CNOT6: variants seen among roughly 807,000 people sequenced by gnomAD.
CNOT6 encodes carbon catabolite repression 4 protein.
CNOT6 carries 12 observed loss-of-function variants against 61.2 expected under a neutral mutation model. That is an observed-to-expected ratio of 0.20 (90% CI 0.13 to 0.32). CNOT6 has a LOEUF of 0.32. CNOT6 is among the 10% of genes least tolerant of loss of function. The pLI is 1.00. For missense variants in CNOT6, 405 were observed against 663.9 expected, an observed-to-expected ratio of 0.61 and a Z score of 4.28; for synonymous variants, 225 against 240.6, an observed-to-expected ratio of 0.94 and a Z score of 0.60.
At chr5:180,506,050 G>A (rs1163950731) in intron 1 of CNOT6, among the ~76,000 whole-genome samples, 1 of 152,156 alleles carries the variant, frequency 6.6e-6, no homozygotes, top group Admixed American at 6.5e-5. Flanking sequence ...AGAAGATCTT[G>A]GTCTTGCAAG....
At chr5:180,497,384 T>A (rs1105972) in intron 1 of CNOT6, among the ~76,000 whole-genome samples, 68,902 of 150,936 alleles carry the variant, frequency 0.46, 16,953 homozygotes, top group Non-Finnish European at 0.56. Context: ...AGTACCTATA[T>A]TTGCCTTCTT....
At chr5:180,507,213 A>G (rs935715143) in intron 1 of CNOT6, among the ~76,000 whole-genome samples, 2 of 152,176 alleles carry the variant, frequency 1.3e-5, no homozygotes, top group Non-Finnish European at 2.9e-5. Context: ...AGATGATACT[A>G]AGGAGGTATA....
rs180856373 is a variant in CNOT6 at position 180,561,064 on chromosome 5, C to T, written c.386-3425C>T. 2.7e-3 allele frequency among the ~76,000 whole-genome samples: 410 copies of T among 152,286 alleles called. 1 individual carries two copies. The highest frequency in any genetic ancestry group is 9.5e-3 in the African/African-American group (393 of 41,562). ...CTCCCAGGCTCAAGCAGCTCTCCTA[C>T]CTCAGCCTCCCAAGTAGCTGGGACC... On this transcript the variant is annotated intron_variant, in intron 4 of 11. Coordinates refer to ENST00000261951, the MANE Select transcript of CNOT6 (RefSeq NM_001370472.1).
chr5:180,565,694 C>A, intron 6 of CNOT6, 126 bp from the exon 7 acceptor site: 1 of 862,682 alleles, frequency 1.2e-6, no homozygotes, highest in Non-Finnish European at 1.7e-6. Context: ...CGTACAGTAG[C>A]TTTTCAGTGA....
At chr5:180,561,076 A>G (rs1760157306) in intron 4 of CNOT6, among the ~76,000 whole-genome samples, 1 of 152,040 alleles carries the variant, frequency 6.6e-6, no homozygotes, top group Non-Finnish European at 1.5e-5. Context: ...TCAGCCTCCC[A>G]AGTAGCTGGG....
rs1261445379 is a variant in CNOT6, at chr5:180,576,808, T to C, written c.*2608T>C. The C allele has an allele frequency of 1.3e-5, 2 of 152,232 alleles. No homozygotes were observed. Among genetic ancestry groups the C allele is most frequent in the Non-Finnish European group, 2.9e-5 (2 of 68,030 alleles). 9.4% of individuals were successfully genotyped at this position (152,232 alleles called of 1,614,324 possible). A position where few individuals can be genotyped will look rare whatever the true frequency, so the allele number is the denominator to read the frequency against. Reference sequence around the variant, plus strand: ...ATAATCCCTAAAATGCAATAAAAACTAGTATGTTTTCACGGTGTATATTTT... The same window carrying C: ...ATAATCCCTAAAATGCAATAAAAACCAGTATGTTTTCACGGTGTATATTTT... On this transcript the variant is annotated 3_prime_UTR_variant, in exon 12 of 12. Transcript: ENST00000261951.
intron 9 of CNOT6, 70 bp from the exon 10 acceptor site, chr5:180,569,040 A>G (rs1760612820): frequency 2.1e-5 from 23 of 1,116,266 alleles, no homozygotes; most frequent in Non-Finnish European, 2.9e-5. Flanking sequence ...TTGCTTTCAG[A>G]CGCTGTAAGA....
chr5:180,499,388 G>A (rs1756764139), intron 1 of CNOT6, among the ~76,000 whole-genome samples: 1 of 152,178 alleles, frequency 6.6e-6, no homozygotes, highest in Non-Finnish European at 1.5e-5. Flanking sequence ...AAAGTTACCA[G>A]TATCCTGATG....
intron 1 of CNOT6, chr5:180,495,505 G>C (rs1398901835): frequency 6.6e-6 from 1 of 152,184 alleles, no homozygotes; most frequent in Non-Finnish European, 1.5e-5. Context: ...CAACACCTGT[G>C]GCCTTCTGTT....
intron 1 of CNOT6, among the ~76,000 whole-genome samples, chr5:180,507,338 G>A (rs1561631938): frequency 6.6e-6 from 1 of 152,172 alleles, no homozygotes; most frequent in Non-Finnish European, 1.5e-5. Context: ...GGTGGCTCAC[G>A]CCTGTAATCC....
chr5:180,558,507 C>T (rs868689031), intron 4 of CNOT6, among the ~76,000 whole-genome samples: 7 of 111,166 alleles, frequency 6.3e-5, no homozygotes, highest in African/African-American at 1.4e-4. Context: ...GGCAGAAACA[C>T]CTTAAAAAAA....
At chr5:180,565,573 C>T (rs1292209192) in intron 6 of CNOT6, among the ~76,000 whole-genome samples, 3 of 152,170 alleles carry the variant, frequency 2.0e-5, no homozygotes, top group East Asian at 1.9e-4. Flanking sequence ...AGACTTTTCA[C>T]TTCCAGACCT....
intron 2 of CNOT6, among the ~76,000 whole-genome samples, chr5:180,531,386 G>C (rs1217791401): frequency 1.3e-5 from 2 of 151,722 alleles, no homozygotes; most frequent in Admixed American, 6.6e-5. Context: ...CATCCCACAC[G>C]GGGCGGCGGG....
chr5:180,522,653 G>A (rs1333963426), intron 1 of CNOT6, among the ~76,000 whole-genome samples: 2 of 151,882 alleles, frequency 1.3e-5, no homozygotes, highest in African/African-American at 4.8e-5. Context: ...TTGGCTGCTT[G>A]TATGTCTTGT....
chr5:180,537,637 T>C (rs1383318500), intron 2 of CNOT6, among the ~76,000 whole-genome samples: 1 of 152,206 alleles, frequency 6.6e-6, no homozygotes, highest in Non-Finnish European at 1.5e-5. Context: ...GGGATTCTGT[T>C]TAGTCTATAT....
At chr5:180,553,796 CAAAA>C (rs890278234) in intron 4 of CNOT6, among the ~76,000 whole-genome samples, 2 of 151,848 alleles carry the variant, frequency 1.3e-5, no homozygotes, top group African/African-American at 4.8e-5. Flanking sequence ...ATTCAAATCT[CAAAA>C]AACATGGAGC....
At chr5:180,562,522 C>T (rs913912591) in intron 4 of CNOT6, among the ~76,000 whole-genome samples, 2 of 152,090 alleles carry the variant, frequency 1.3e-5, no homozygotes, top group South Asian at 2.1e-4. Context: ...GGGTGGATCA[C>T]GAGGTCAGGA....
intron 2 of CNOT6, among the ~76,000 whole-genome samples, chr5:180,530,086 G>GT (rs1478117458): frequency 2.6e-5 from 4 of 152,218 alleles, no homozygotes; most frequent in Admixed American, 1.3e-4. Context: ...TGCTAATGAA[G>GT]TTTTGTGTTA....
At chr5:180,563,386 T>G (rs539466436) in intron 4 of CNOT6, among the ~76,000 whole-genome samples, 7 of 42,854 alleles carry the variant, frequency 1.6e-4, no homozygotes, top group Non-Finnish European at 3.2e-4. Context: ...GGCTGTTTTT[T>G]TTTGTTTGTT....
Sources: allele counts gnomAD v4.1 joint callset (sites outside exome capture counted in the v4.1 genomes callset), GRCh38; gene constraint gnomAD v4.1.1; transcripts MANE v1.5; gene names NCBI Gene and HGNC (gene_info 2026-07-23, HGNC 2026-07-21).